Variants in SLC26A11 observed in about 807,000 individuals in gnomAD.
SLC26A11 encodes the protein sodium-independent sulfate anion transporter.
SLC26A11 carries 58 observed loss-of-function variants against 62.2 expected under a neutral mutation model. That is an observed-to-expected ratio of 0.93 (90% CI 0.76 to 1.16). The LOEUF (loss-of-function observed/expected upper bound fraction) is 1.16, where lower values mean the gene tolerates loss of function less well. Ranked by LOEUF, SLC26A11 falls within the 50% of genes most tolerant of loss-of-function variation. The pLI is 0.00. For synonymous variants in SLC26A11, 411 were observed against 368.9 expected (o/e 1.11, Z -1.31); for missense variants, 790 against 794.3 (o/e 0.99, Z 0.06).
At chr17:80,248,895 T>C (rs2043084844) in intron 15 of SLC26A11, among the ~76,000 whole-genome samples, 1 of 152,098 alleles carries the variant, frequency 6.6e-6, no homozygotes, top group Non-Finnish European at 1.5e-5. Flanking sequence ...GCCCCTAAAG[T>C]CCGGTTCCTG....
At chr17:80,247,592 G>A (rs986674534) in intron 13 of SLC26A11, among the ~76,000 whole-genome samples, 23 of 152,354 alleles carry the variant, frequency 1.5e-4, no homozygotes, top group African/African-American at 5.3e-4. Flanking sequence ...CATGCCCGTC[G>A]CATGCCAGGG....
Position 80,246,336 on chromosome 17 carries a change from G to A in SLC26A11, c.1153+127G>A, listed in dbSNP as rs981298090. 2.7e-5 allele frequency: 39 copies of A among 1,423,120 alleles called. No individual in the cohort carries two copies. The African/African-American group carries it at 5.0e-4, about 18-fold the overall frequency. The allele number at this position is 1,423,120 out of a possible 1,614,324, so 88.2% of individuals were successfully genotyped here. On this transcript the variant is annotated intron_variant, in intron 12 of 17. Transcript: ENST00000361193. The surrounding 1 kb of genome is among the most constrained non-coding windows in gnomAD (Gnocchi z 4.4). The stretch of plus-strand genomic sequence containing the variant: ...CCGGGACTGCACAGGGACTTGGGGG[G>A]CCACACAGGAGTAGGGGGACCACAG...
intron 7 of SLC26A11, among the ~76,000 whole-genome samples, chr17:80,231,332 T>G (rs1174038678): frequency 1.3e-5 from 2 of 151,652 alleles, no homozygotes; most frequent in Admixed American, 1.3e-4. Flanking sequence ...CTGGCTAATT[T>G]TTTGTATTTT....
In SLC26A11 at chr17:80,251,398, G is replaced by T; in HGVS notation, c.1726G>T (p.Ala576Ser). 6.2e-7 allele frequency: 1 copy of T among 1,614,100 alleles called. No individual in the cohort carries two copies. The highest frequency in any genetic ancestry group is 8.5e-7 in the Non-Finnish European group (1 of 1,179,974). The change falls in exon 17 of 18, where the codon GCA (alanine) becomes TCA (serine). Residue 576 changes from alanine to serine, a missense_variant. Coordinates refer to ENST00000361193, the MANE Select transcript of SLC26A11 (RefSeq NM_001166347.2). ...CCAGTACTTCTCTACCCTGGAAGAA[G>T]CAGGTGGGCACAGTCAGACATCCTG... ...GFQYFSTLEE[A>S]EKHLRQEPGT...
intron 7 of SLC26A11, among the ~76,000 whole-genome samples, chr17:80,235,140 G>A (rs755526740): frequency 2.6e-5 from 4 of 151,944 alleles, no homozygotes; most frequent in Admixed American, 6.6e-5. Context: ...GTGAGCTACC[G>A]TGCCCAGCCT....
intron 9 of SLC26A11, 98 bp from the exon 10 acceptor site, chr17:80,241,673 C>G: frequency 8.1e-7 from 1 of 1,228,034 alleles, no homozygotes; most frequent in Non-Finnish European, 1.2e-6. Context: ...AAACTTATTG[C>G]CGTGTGTAGA....
At chr17:80,233,935 A>G (rs1165424583) in intron 7 of SLC26A11, among the ~76,000 whole-genome samples, 1 of 151,736 alleles carries the variant, frequency 6.6e-6, no homozygotes, top group East Asian at 1.9e-4. Flanking sequence ...CATTTTTCAA[A>G]GATAGTTTTG....
At chr17:80,248,549 C>T (rs1598844286) in intron 14 of SLC26A11, 26 bp from the exon 15 acceptor site, 2 of 1,551,378 alleles carry the variant, frequency 1.3e-6, no homozygotes, top group East Asian at 4.8e-5. Flanking sequence ...GTCAGACCCG[C>T]CTCCAGGACT....
In SLC26A11 at chr17:80,228,033, A is replaced by G; in HGVS notation, c.736+73A>G. 7.2e-7 allele frequency: 1 copy of G among 1,396,300 alleles called. No individual in the cohort carries two copies. The highest frequency in any genetic ancestry group is 2.0e-5 in the Admixed American group (1 of 49,886). The allele number at this position is 1,396,300 out of a possible 1,614,324, so 86.5% of individuals were successfully genotyped here. ...GGGTCACTTGGGGAGTCCTAGTCCC[A>G]CCCTAGGGATTCTCACGTCATTGGT... is the stretch of plus-strand genomic sequence containing the variant. On this transcript the variant is annotated intron_variant, in intron 7 of 17. Transcript: ENST00000361193. This position sits in a 1 kb window ranked among gnomAD's most constrained non-coding sequence, Gnocchi z 4.1.
chr17:80,244,009 C>T (rs1317492375), intron 10 of SLC26A11, among the ~76,000 whole-genome samples: 5 of 152,234 alleles, frequency 3.3e-5, no homozygotes, highest in African/African-American at 9.6e-5. Flanking sequence ...AGCCCTCCCA[C>T]GCCTGTATTT....
intron 13 of SLC26A11, among the ~76,000 whole-genome samples, chr17:80,247,281 T>G (rs1419471275): frequency 6.6e-6 from 1 of 152,040 alleles, no homozygotes; most frequent in East Asian, 1.9e-4. Context: ...TTTCTCAATC[T>G]TTTCCCCACC....
rs143572579 is a variant in SLC26A11 at position 80,221,292 on chromosome 17, G to A, written c.-14+177G>A. On this transcript the variant is annotated intron_variant, in intron 2 of 17. Transcript: ENST00000361193. ...TTTCTTATCTGGGAGAGTTGAGGAT[G>A]GAGGGACAGAAGGCACCCAGGATTT... is the stretch of plus-strand genomic sequence containing the variant. 2.0e-5 allele frequency: 9 copies of A among 460,034 alleles called. No individual in the cohort carries two copies. In the East Asian group the frequency reaches 3.2e-4, roughly 16 times the overall value. 28.5% of individuals were successfully genotyped at this position (460,034 alleles called of 1,614,324 possible).
intron 9 of SLC26A11, among the ~76,000 whole-genome samples, chr17:80,239,311 T>C (rs1400615210): frequency 6.6e-6 from 1 of 151,910 alleles, no homozygotes; most frequent in African/African-American, 2.4e-5. Context: ...ACTCCTGACC[T>C]CAGGTAATCC....
At chr17:80,236,822 GGC>G in intron 7 of SLC26A11, 104 bp from the exon 8 acceptor site, 1 of 1,215,212 alleles carries the variant, frequency 8.2e-7, no homozygotes. Context: ...GCCCGGTGGG[GGC>G]GTCTCCTGCC....
intron 7 of SLC26A11, among the ~76,000 whole-genome samples, chr17:80,234,841 T>C (rs2042649758): frequency 6.6e-6 from 1 of 151,486 alleles, no homozygotes; most frequent in South Asian, 2.1e-4. Flanking sequence ...CCAGTTTGAA[T>C]CTTTTTTTTT....
intron 7 of SLC26A11, among the ~76,000 whole-genome samples, chr17:80,234,363 G>A (rs1176568260): frequency 6.6e-6 from 1 of 152,206 alleles, no homozygotes; most frequent in Non-Finnish European, 1.5e-5. Flanking sequence ...CAAGAAGTGT[G>A]CTGTCATTCT....
intron 15 of SLC26A11, 151 bp downstream of exon 15, chr17:80,248,825 G>T (rs1257850085): frequency 2.5e-6 from 2 of 793,478 alleles, no homozygotes; most frequent in African/African-American, 3.5e-5. Flanking sequence ...GTCCTCTGTG[G>T]GCCTCAGCCA....
At chr17:80,240,223 C>T (rs1028633568) in intron 9 of SLC26A11, among the ~76,000 whole-genome samples, 30 of 151,990 alleles carry the variant, frequency 2.0e-4, no homozygotes, top group Non-Finnish European at 3.5e-4. Flanking sequence ...AAAAATTAGC[C>T]AGGCGTGGTG....
chr17:80,225,386 G>T lies in SLC26A11; in HGVS notation c.514-451G>T, dbSNP rs571951364. Among the ~76,000 whole-genome samples the T allele has an allele frequency of 2.6e-5, 4 of 152,286 alleles. No individual in the cohort carries two copies. In the South Asian group the frequency reaches 6.2e-4, roughly 24 times the overall value. ...CCTCCCGCAGCAGCGGAGCTGGGGG[G>T]TGGCGGGGCACCTAGTGAGGGAGAC... is the stretch of plus-strand genomic sequence containing the variant. On this transcript the variant is annotated intron_variant, in intron 5 of 17. Transcript: ENST00000361193.
Sources: gnomAD v4.1 joint callset for allele counts (sites outside exome capture counted in the v4.1 genomes callset) on GRCh38, gnomAD v4.1.1 for gene constraint, Gnocchi (gnomAD v3.1) non-coding constraint, MANE v1.5 for transcripts, NCBI Gene and HGNC (gene_info 2026-07-23, HGNC 2026-07-21) for gene names.